RNMT: variants seen among roughly 807,000 people sequenced by gnomAD.
RNMT encodes the protein RNA guanine-7 methyltransferase, also known as mRNA cap guanine-N(7) methyltransferase.
In RNMT, 27 loss-of-function variants were observed where a neutral mutation model predicts 56.0. That is an observed-to-expected ratio of 0.48 (90% CI 0.36 to 0.67). RNMT has a LOEUF of 0.67. RNMT is among the 30% of genes least tolerant of loss of function. RNMT has a pLI of 0.00. For synonymous variants in RNMT, 184 were observed against 176.2 expected, an observed-to-expected ratio of 1.04 and a Z score of -0.35; for missense variants, 519 against 552.1, an observed-to-expected ratio of 0.94 and a Z score of 0.60.
Position 13,760,183 on chromosome 18 carries a change from C to G in RNMT, c.*204C>G, listed in dbSNP as rs1281132710. ...TGTGTATATAAGAATGAGTTGGGAC[C>G]TCTGTCTTTAAAAATCTATTTTTAG... On this transcript the variant is annotated 3_prime_UTR_variant, in exon 12 of 12. Transcript: ENST00000383314. 7.9e-7 allele frequency: 1 copy of G among 1,268,022 alleles called. No individual in the cohort carries two copies. Among genetic ancestry groups the G allele is most frequent in the Non-Finnish European group, 9.9e-7 (1 of 1,006,870 alleles). 78.5% of individuals were successfully genotyped at this position (1,268,022 alleles called of 1,614,324 possible).
intron 1 of RNMT, among the ~76,000 whole-genome samples, chr18:13,727,153 G>A (rs940293830): frequency 3.3e-5 from 5 of 152,242 alleles, no homozygotes; most frequent in African/African-American, 1.2e-4. Flanking sequence ...CGTCCTCTCG[G>A]GCCCCGTGGT....
intron 8 of RNMT, 111 bp downstream of exon 8, chr18:13,742,763 G>C: frequency 2.7e-6 from 2 of 740,282 alleles, no homozygotes; most frequent in East Asian, 3.2e-5. Context: ...TAAAGAAAAA[G>C]TATAATCTTG....
chr18:13,733,851 A>G (rs2149084601), intron 3 of RNMT, among the ~76,000 whole-genome samples: 1 of 152,356 alleles, frequency 6.6e-6, no homozygotes, highest in South Asian at 2.1e-4. Context: ...TAAGACATTG[A>G]CACTAAAATT....
At chr18:13,738,786 T>C (rs2044206637) in intron 5 of RNMT, among the ~76,000 whole-genome samples, 1 of 152,242 alleles carries the variant, frequency 6.6e-6, no homozygotes, top group Non-Finnish European at 1.5e-5. Flanking sequence ...AAGTCAATTT[T>C]ATTTTTGGCA....
At chr18:13,752,254 G>T in intron 9 of RNMT, 72 bp from the exon 10 acceptor site, 1 of 857,404 alleles carries the variant, frequency 1.2e-6, no homozygotes. Context: ...TGTTATTTCA[G>T]TGATTTAGCA....
chr18:13,757,612 G>A (rs900713588), intron 11 of RNMT, among the ~76,000 whole-genome samples: 4 of 152,124 alleles, frequency 2.6e-5, no homozygotes, highest in Non-Finnish European at 5.9e-5. Flanking sequence ...TCTAATTCTG[G>A]TTCTCTTGTT....
At chr18:13,749,127 A>T (rs1371350265) in intron 9 of RNMT, among the ~76,000 whole-genome samples, 1 of 152,206 alleles carries the variant, frequency 6.6e-6, no homozygotes, top group Admixed American at 6.5e-5. Context: ...ACAGCTTTAT[A>T]ATCATGTATT....
intron 11 of RNMT, among the ~76,000 whole-genome samples, chr18:13,755,353 T>C (rs2044525146): frequency 6.6e-6 from 1 of 152,226 alleles, no homozygotes; most frequent in Non-Finnish European, 1.5e-5. Context: ...TGCAGGTGCG[T>C]GTAACGTTTT....
intron 8 of RNMT, among the ~76,000 whole-genome samples, chr18:13,743,981 G>A (rs1759903578): frequency 6.6e-6 from 1 of 151,564 alleles, no homozygotes; most frequent in African/African-American, 2.4e-5. Context: ...CTAATAAACT[G>A]GGGAAATGTT....
chr18:13,737,920 T>G (rs2044190339), intron 5 of RNMT, among the ~76,000 whole-genome samples: 2 of 152,090 alleles, frequency 1.3e-5, no homozygotes, highest in Non-Finnish European at 2.9e-5. Context: ...TTTTTTTCAT[T>G]CTTTATGAAA....
At chr18:13,750,951 T>C (rs1420233692) in intron 9 of RNMT, among the ~76,000 whole-genome samples, 2 of 152,166 alleles carry the variant, frequency 1.3e-5, no homozygotes, top group Admixed American at 6.5e-5. Context: ...TTACACTTTA[T>C]ATAAAAATTA....
In RNMT at chr18:13,763,230, C is replaced by T. The variant is rs2044640898; in HGVS notation, c.*3251C>T. On this transcript the variant is annotated 3_prime_UTR_variant, in exon 12 of 12. Coordinates refer to ENST00000383314, the MANE Select transcript of RNMT (RefSeq NM_003799.3). ...CCCCGCCCTCTGACAGAACAACATT[C>T]CTAATTCTTTGAAGGCAACCAGTGC... is the stretch of plus-strand genomic sequence containing the variant. The T allele has an allele frequency of 4.6e-6, 2 of 438,550 alleles. No homozygotes were observed. Among genetic ancestry groups the T allele is most frequent in the South Asian group, 1.6e-5 (1 of 61,390 alleles). 27.2% of individuals were successfully genotyped at this position (438,550 alleles called of 1,614,324 possible).
chr18:13,748,635 G>A lies in RNMT; in HGVS notation c.1257+2298G>A, dbSNP rs530520686. On this transcript the variant is annotated intron_variant, in intron 9 of 11. Transcript: ENST00000383314. ...TACAACTTTTCTGCTTTCCTGGAGC[G>A]TTGGAACAGAGAGAAGAAAGAATGA... 5.3e-5 allele frequency among the ~76,000 whole-genome samples: 8 copies of A among 152,236 alleles called. No individual in the cohort carries two copies. In the East Asian group the frequency reaches 7.8e-4, roughly 15 times the overall value.
Position 13,761,479 on chromosome 18 carries a change from A to G in RNMT, c.*1500A>G, listed in dbSNP as rs770776550. 2.4e-5 allele frequency: 24 copies of G among 986,220 alleles called. No individual in the cohort carries two copies. Among genetic ancestry groups the G allele is most frequent in the Non-Finnish European group, 2.8e-5 (23 of 830,444 alleles). The allele number at this position is 986,220 out of a possible 1,614,324, so 61.1% of individuals were successfully genotyped here. A position where few individuals can be genotyped will look rare whatever the true frequency, so the allele number is the denominator to read the frequency against. On this transcript the variant is annotated 3_prime_UTR_variant, in exon 12 of 12. Coordinates refer to ENST00000383314, the MANE Select transcript of RNMT (RefSeq NM_003799.3). ...TAGGTACAGGAAAAACATCATCATT[A>G]TTTCCTCTGTTCACATTTACTGGTC...
Position 13,746,213 on chromosome 18 carries a change from T to C in RNMT, c.1140-7T>C. 7.2e-7 allele frequency: 1 copy of C among 1,386,422 alleles called. No individual in the cohort carries two copies. Among genetic ancestry groups the C allele is most frequent in the Non-Finnish European group, 1.0e-6 (1 of 997,572 alleles). 85.9% of individuals were successfully genotyped at this position (1,386,422 alleles called of 1,614,324 possible). ...AGCTTTTTCATTAAGTATTCTTTTT[T>C]GGACAGAATGGCAAAGAAGTACAAT... On this transcript the variant is annotated splice_region_variant and splice_polypyrimidine_tract_variant and intron_variant, in intron 8 of 11. Transcript: ENST00000383314.
chr18:13,734,294 A>G (rs984273746), intron 3 of RNMT, among the ~76,000 whole-genome samples, 170 bp from the exon 4 acceptor site: 1 of 152,216 alleles, frequency 6.6e-6, no homozygotes, highest in Non-Finnish European at 1.5e-5. Flanking sequence ...GACACAGAAA[A>G]CAAATCTTAG....
At chr18:13,736,528 T>C in intron 4 of RNMT, among the ~76,000 whole-genome samples, 1 of 151,720 alleles carries the variant, frequency 6.6e-6, no homozygotes, top group East Asian at 1.9e-4. Context: ...TTTCTCTTGG[T>C]GGTAAGCCTG....
intron 9 of RNMT, among the ~76,000 whole-genome samples, chr18:13,748,037 C>T (rs1322413263): frequency 2.0e-5 from 3 of 152,096 alleles, no homozygotes; most frequent in Admixed American, 1.3e-4. Context: ...TATGGGATAA[C>T]AAGAATTTTA....
intron 8 of RNMT, 146 bp from the exon 9 acceptor site, chr18:13,746,074 T>C (rs910259704): frequency 1.8e-6 from 1 of 565,922 alleles, no homozygotes; most frequent in African/African-American, 1.9e-5. Context: ...TTACTCTTGA[T>C]TCATTTTGTA....
Sources: allele counts gnomAD v4.1 joint callset (sites outside exome capture counted in the v4.1 genomes callset), GRCh38; gene constraint gnomAD v4.1.1; transcripts MANE v1.5; gene names NCBI Gene and HGNC (gene_info 2026-07-23, HGNC 2026-07-21).